Variants in RIT2 observed in about 807,000 individuals in gnomAD.
RIT2 encodes the protein GTP-binding protein Rit2.
RIT2 carries 24 observed loss-of-function variants against 23.7 expected under a neutral mutation model. The ratio of observed to expected loss-of-function variants is 1.01; its 90% confidence interval spans 0.73 to 1.43. RIT2 has a LOEUF of 1.43. Ranked by LOEUF, RIT2 falls within the 40% of genes most tolerant of loss-of-function variation. RIT2 has a pLI of 0.00. For synonymous variants in RIT2, 107 were observed against 91.1 expected, an observed-to-expected ratio of 1.17 and a Z score of -0.99; for missense variants, 236 against 266.9, an observed-to-expected ratio of 0.88 and a Z score of 0.81.
In RIT2 at chr18:42,743,740, T is replaced by C. The variant is rs565960646; in HGVS notation, c.427-20A>G. ...AGAAACCTAAGGAAAAAACAAATAA[T>C]ATTAAAAAGACAGAAAGAGAAAGAC... On this transcript the variant is annotated intron_variant, in intron 4 of 4. Transcript: ENST00000326695. 3.9e-6 allele frequency: 6 copies of C among 1,523,050 alleles called. No individual in the cohort carries two copies. In the East Asian group the frequency reaches 6.9e-5, roughly 17 times the overall value. 94.3% of individuals were successfully genotyped at this position (1,523,050 alleles called of 1,614,324 possible).
At chr18:42,860,859 C>T (rs889675313) in intron 4 of RIT2, among the ~76,000 whole-genome samples, 2 of 152,100 alleles carry the variant, frequency 1.3e-5, no homozygotes, top group East Asian at 1.9e-4. Flanking sequence ...CAAGCACCTG[C>T]GCAGGTTACC....
rs575004127 is a variant in RIT2, at chr18:42,791,550, T to C, written c.427-47830A>G. ...TCCCGCTGACCTGTTTCATTATTTT[T>C]CCACTTCCTTTATACAATTCATTGT... On this transcript the variant is annotated intron_variant, in intron 4 of 4. Transcript: ENST00000326695. 4.6e-5 allele frequency among the ~76,000 whole-genome samples: 7 copies of C among 152,344 alleles called. No individual in the cohort carries two copies. In the South Asian group the frequency reaches 1.4e-3, roughly 32 times the overall value.
chr18:43,057,920 C>T (rs1292554632), intron 1 of RIT2, among the ~76,000 whole-genome samples: 1 of 151,456 alleles, frequency 6.6e-6, no homozygotes, highest in Non-Finnish European at 1.5e-5. Flanking sequence ...CTTGCCTGGG[C>T]AACACATAAT....
intron 2 of RIT2, among the ~76,000 whole-genome samples, chr18:42,978,447 C>G (rs578173424): frequency 6.6e-6 from 1 of 152,002 alleles, no homozygotes; most frequent in African/African-American, 2.4e-5. Context: ...CATTCATTCA[C>G]TCCCTTTGAG....
At chr18:42,840,290 C>T (rs1385418960) in intron 4 of RIT2, among the ~76,000 whole-genome samples, 1 of 152,152 alleles carries the variant, frequency 6.6e-6, no homozygotes, top group African/African-American at 2.4e-5. Flanking sequence ...ACAGGCCATA[C>T]AATATTAGAA....
At chr18:43,101,382 A>G (rs866139399) in intron 1 of RIT2, among the ~76,000 whole-genome samples, 16 of 152,184 alleles carry the variant, frequency 1.1e-4, no homozygotes, top group African/African-American at 3.1e-4. Context: ...ATTATGTCTA[A>G]TTATCCAGAC....
At chr18:42,753,756 G>C (rs1913099943) in intron 4 of RIT2, among the ~76,000 whole-genome samples, 1 of 152,122 alleles carries the variant, frequency 6.6e-6, no homozygotes, top group African/African-American at 2.4e-5. Flanking sequence ...AATTGATTTT[G>C]ATCAGTTTTA....
At chr18:42,841,972 A>G (rs539769481) in intron 4 of RIT2, among the ~76,000 whole-genome samples, 219 of 152,314 alleles carry the variant, frequency 1.4e-3, no homozygotes, top group African/African-American at 5.2e-3. Flanking sequence ...TTTTAACCAC[A>G]AGTTGAAGAT....
chr18:43,026,584 G>GAAAGAAAGAAAT (rs1268893728), intron 2 of RIT2, among the ~76,000 whole-genome samples: 1,439 of 94,132 alleles, frequency 0.015, 29 homozygotes, highest in Middle Eastern at 0.062. Context: ...AAGAAAGAAA[G>GAAAGAAAGAAAT]AAAGAAAGAA....
intron 3 of RIT2, 149 bp downstream of exon 3, chr18:42,973,925 G>T: frequency 1.8e-6 from 1 of 560,744 alleles, no homozygotes; most frequent in Non-Finnish European, 3.1e-6. Flanking sequence ...TGGTAATTTT[G>T]ATTCTTTTAA....
At chr18:42,987,153 G>C (rs1435975519) in intron 2 of RIT2, among the ~76,000 whole-genome samples, 2 of 152,130 alleles carry the variant, frequency 1.3e-5, no homozygotes, top group Non-Finnish European at 2.9e-5. Context: ...GTGTATGAAA[G>C]CATAATATAA....
At chr18:42,956,100 A>G (rs1909964710) in intron 3 of RIT2, among the ~76,000 whole-genome samples, 1 of 152,154 alleles carries the variant, frequency 6.6e-6, no homozygotes, top group Non-Finnish European at 1.5e-5. Context: ...TTCACAGAAA[A>G]TTCAGGTAAA....
chr18:43,011,143 A>G (rs572133127), intron 2 of RIT2, among the ~76,000 whole-genome samples: 1 of 151,992 alleles, frequency 6.6e-6, no homozygotes, highest in East Asian at 1.9e-4. Flanking sequence ...AAGTTATGAA[A>G]GTCTTCTGGG....
chr18:42,832,436 A>G (rs1162512471), intron 4 of RIT2, among the ~76,000 whole-genome samples: 3 of 152,188 alleles, frequency 2.0e-5, no homozygotes, highest in African/African-American at 7.2e-5. Flanking sequence ...TTCTTAGATT[A>G]TTTCACACAA....
At chr18:42,802,726 C>A (rs1261136658) in intron 4 of RIT2, among the ~76,000 whole-genome samples, 1 of 152,044 alleles carries the variant, frequency 6.6e-6, no homozygotes, top group Non-Finnish European at 1.5e-5. Context: ...ATTTTGTTTT[C>A]AGGATTGATT....
At chr18:42,884,703 T>C (rs1907976597) in intron 4 of RIT2, among the ~76,000 whole-genome samples, 1 of 152,156 alleles carries the variant, frequency 6.6e-6, no homozygotes. Flanking sequence ...TTGAGCAAAA[T>C]GCTACCTGAC....
intron 3 of RIT2, among the ~76,000 whole-genome samples, chr18:42,947,972 T>C (rs1198400337): frequency 1.3e-5 from 2 of 151,974 alleles, no homozygotes. Context: ...CATATTTATA[T>C]CTATGTATGT....
intron 1 of RIT2, among the ~76,000 whole-genome samples, chr18:43,088,862 T>G (rs991087798): frequency 2.0e-5 from 3 of 152,216 alleles, no homozygotes; most frequent in Non-Finnish European, 4.4e-5. Flanking sequence ...AGAGGCAATC[T>G]AAGGAGAGGT....
chr18:42,890,816 T>TA (rs1825118216), intron 4 of RIT2, among the ~76,000 whole-genome samples: 1 of 152,088 alleles, frequency 6.6e-6, no homozygotes, highest in Admixed American at 6.6e-5. Context: ...TAAATCAACT[T>TA]ACCTCTGCCT....
Sources: gnomAD v4.1 joint callset for allele counts (sites outside exome capture counted in the v4.1 genomes callset) on GRCh38, gnomAD v4.1.1 for gene constraint, MANE v1.5 for transcripts, NCBI Gene and HGNC (gene_info 2026-07-23, HGNC 2026-07-21) for gene names.